MAGI1: variants seen among roughly 807,000 people sequenced by gnomAD.
The protein encoded by MAGI1 is membrane associated guanylate kinase, WW and PDZ domain containing 1.
A neutral mutation model predicts 139.9 loss-of-function variants in MAGI1; 58 were observed. The observed-to-expected ratio is 0.41, with a 90% confidence interval of 0.34 to 0.52. MAGI1 has a LOEUF of 0.52. Among genes scored for constraint, MAGI1 ranks in the 20% least tolerant of loss-of-function variants. The pLI is 0.12. For synonymous variants in MAGI1, 812 were observed against 737.9 expected, an observed-to-expected ratio of 1.10 and a Z score of -1.63; for missense variants, 1,874 against 1,901.6, an observed-to-expected ratio of 0.99 and a Z score of 0.27.
At chr3:65,748,818 T>C (rs1191046306) in intron 1 of MAGI1, among the ~76,000 whole-genome samples, 1 of 152,232 alleles carries the variant, frequency 6.6e-6, no homozygotes, top group African/African-American at 2.4e-5. Flanking sequence ...GGGGGATTGA[T>C]GTTTGGCCAG....
intron 16 of MAGI1, among the ~76,000 whole-genome samples, chr3:65,380,572 C>T (rs1032879767): frequency 5.3e-5 from 8 of 152,152 alleles, no homozygotes; most frequent in African/African-American, 1.9e-4. Context: ...AATTTGACTA[C>T]CCTAGGTATC....
chr3:65,429,155 G>C (rs1419496590), intron 12 of MAGI1, among the ~76,000 whole-genome samples: 2 of 151,980 alleles, frequency 1.3e-5, no homozygotes, highest in East Asian at 3.9e-4. Context: ...AGAGAATGGG[G>C]TCTCAATATG....
At chr3:65,902,221 A>C (rs948602633) in intron 1 of MAGI1, among the ~76,000 whole-genome samples, 1 of 152,190 alleles carries the variant, frequency 6.6e-6, no homozygotes, top group African/African-American at 2.4e-5. Context: ...GGAGAGAGAA[A>C]ACTCTCACAT....
intron 1 of MAGI1, among the ~76,000 whole-genome samples, chr3:65,859,713 T>C (rs1484618325): frequency 2.7e-5 from 4 of 146,918 alleles, no homozygotes; most frequent in African/African-American, 7.6e-5. Flanking sequence ...AGAGCAAGAC[T>C]CCATCTCAAA....
intron 1 of MAGI1, among the ~76,000 whole-genome samples, chr3:66,016,540 G>GGCTCTACTCTGGCAAT (rs2067648943): frequency 6.6e-6 from 1 of 152,192 alleles, no homozygotes; most frequent in Admixed American, 6.5e-5. Flanking sequence ...TTGCTGGCAA[G>GGCTCTACTCTGGCAAT]GCTCTACTCT....
intron 13 of MAGI1, among the ~76,000 whole-genome samples, chr3:65,400,634 G>A (rs1034237901): frequency 2.0e-5 from 3 of 151,868 alleles, no homozygotes; most frequent in African/African-American, 7.3e-5. Context: ...TAGTGCCCCG[G>A]GAGCATAAAC....
intron 1 of MAGI1, among the ~76,000 whole-genome samples, chr3:65,627,535 T>C (rs182858754): frequency 4.1e-4 from 53 of 129,858 alleles, no homozygotes; most frequent in Non-Finnish European, 4.5e-4. Flanking sequence ...TGAGATGGAG[T>C]CTTGCTCTGT....
chr3:65,970,649 C>G (rs1422701871), intron 1 of MAGI1, among the ~76,000 whole-genome samples: 1 of 152,112 alleles, frequency 6.6e-6, no homozygotes, highest in Non-Finnish European at 1.5e-5. Flanking sequence ...ACCCCACACT[C>G]TGGAGCCAAC....
At chr3:65,794,456 C>T (rs1200438502) in intron 1 of MAGI1, among the ~76,000 whole-genome samples, 1 of 152,160 alleles carries the variant, frequency 6.6e-6, no homozygotes, top group African/African-American at 2.4e-5. Flanking sequence ...CTTCCCCAGC[C>T]CCCACCCATA....
chr3:66,015,412 C>T (rs2067579943), intron 1 of MAGI1, among the ~76,000 whole-genome samples: 1 of 151,906 alleles, frequency 6.6e-6, no homozygotes, highest in African/African-American at 2.4e-5. Flanking sequence ...CCAGCCTGAA[C>T]CTAAGAACCT....
intron 1 of MAGI1, among the ~76,000 whole-genome samples, chr3:66,006,741 T>G (rs1396968533): frequency 2.0e-5 from 3 of 152,150 alleles, no homozygotes; most frequent in African/African-American, 7.2e-5. Flanking sequence ...GGGAATGGGA[T>G]TATGAGTTTT....
chr3:65,859,756 T>C (rs918417399), intron 1 of MAGI1, among the ~76,000 whole-genome samples: 4 of 151,376 alleles, frequency 2.6e-5, no homozygotes, highest in African/African-American at 7.3e-5. Context: ...AGGAAGCAGA[T>C]AGATCCCCCA....
intron 1 of MAGI1, among the ~76,000 whole-genome samples, chr3:65,640,227 T>C (rs1031792528): frequency 6.6e-6 from 1 of 152,088 alleles, no homozygotes; most frequent in African/African-American, 2.4e-5. Context: ...TCTCTATATA[T>C]ACATCCTACT....
At chr3:65,736,955 G>A (rs1168722357) in intron 1 of MAGI1, among the ~76,000 whole-genome samples, 4 of 151,538 alleles carry the variant, frequency 2.6e-5, no homozygotes, top group Middle Eastern at 3.5e-3. Context: ...ACACCTTTGT[G>A]CCCACCAGCC....
At chr3:65,629,376 GAC>G (rs1449281434) in intron 1 of MAGI1, among the ~76,000 whole-genome samples, 1 of 152,134 alleles carries the variant, frequency 6.6e-6, no homozygotes, top group Non-Finnish European at 1.5e-5. Flanking sequence ...AATTAGAATT[GAC>G]ACTTTAATAC....
chr3:65,848,382 G>C (rs1362279063), intron 1 of MAGI1, among the ~76,000 whole-genome samples: 1 of 152,216 alleles, frequency 6.6e-6, no homozygotes, highest in Admixed American at 6.5e-5. Flanking sequence ...GATATCTGAT[G>C]GCCTGAGAAT....
intron 1 of MAGI1, among the ~76,000 whole-genome samples, chr3:65,932,397 T>C (rs1560027437): frequency 6.6e-6 from 1 of 152,204 alleles, no homozygotes; most frequent in East Asian, 1.9e-4. Context: ...TTAGGTAATA[T>C]GTTTTCTAAA....
intron 1 of MAGI1, among the ~76,000 whole-genome samples, chr3:65,927,327 C>T (rs1299662782): frequency 2.6e-5 from 4 of 152,132 alleles, no homozygotes; most frequent in Non-Finnish European, 5.9e-5. Flanking sequence ...GGTAGATTTG[C>T]TAGTGCAAGA....
intron 1 of MAGI1, among the ~76,000 whole-genome samples, chr3:65,992,845 T>C (rs746857316): frequency 4.6e-5 from 7 of 152,060 alleles, no homozygotes; most frequent in Non-Finnish European, 8.8e-5. Flanking sequence ...GTTGTTGTTA[T>C]TGTAGGGTTT....
Sources: allele counts gnomAD v4.1 joint callset (sites outside exome capture counted in the v4.1 genomes callset), GRCh38; gene constraint gnomAD v4.1.1; transcripts MANE v1.5; gene names NCBI Gene and HGNC (gene_info 2026-07-23, HGNC 2026-07-21).